Variants in RBFOX1 observed in about 807,000 individuals in gnomAD.
The protein encoded by RBFOX1 is RNA binding fox-1 homolog 1.
A neutral mutation model predicts 57.7 loss-of-function variants in RBFOX1; 8 were observed. The observed-to-expected ratio is 0.14, with a 90% CI of 0.08 to 0.25. The LOEUF is 0.25. RBFOX1 is among the 10% of genes least tolerant of loss of function. The pLI is 1.00. For synonymous variants in RBFOX1, 326 were observed against 222.4 expected, an observed-to-expected ratio of 1.47 and a Z score of -4.15; for missense variants, 611 against 548.5, an observed-to-expected ratio of 1.11 and a Z score of -1.14.
chr16:5,368,692 C>CA (rs1277543388), intron 1 of RBFOX1, among the ~76,000 whole-genome samples: 2 of 152,160 alleles, frequency 1.3e-5, no homozygotes, highest in African/African-American at 4.8e-5. Flanking sequence ...TCTGGCCTTT[C>CA]AGGGGGGCAG....
chr16:7,100,200 G>A (rs565564857), intron 4 of RBFOX1, among the ~76,000 whole-genome samples: 53 of 152,168 alleles, frequency 3.5e-4, no homozygotes, highest in African/African-American at 1.2e-3. Flanking sequence ...CGAAATTTGT[G>A]TGTTAAAGGA....
At chr16:7,009,673 T>C (rs2153653300) in intron 3 of RBFOX1, among the ~76,000 whole-genome samples, 1 of 152,274 alleles carries the variant, frequency 6.6e-6, no homozygotes, top group African/African-American at 2.4e-5. Flanking sequence ...AAGAATATCC[T>C]AGAATTATAG....
chr16:7,213,832 A>G (rs1165672905), intron 4 of RBFOX1, among the ~76,000 whole-genome samples: 1 of 152,170 alleles, frequency 6.6e-6, no homozygotes, highest in African/African-American at 2.4e-5. Flanking sequence ...TCTCTGATGG[A>G]TGAGGGTTGA....
intron 3 of RBFOX1, among the ~76,000 whole-genome samples, chr16:7,038,816 CT>C (rs1568482163): frequency 1.3e-5 from 2 of 152,140 alleles, no homozygotes; most frequent in African/African-American, 4.8e-5. Flanking sequence ...ATAATGGGGT[CT>C]TTACCAAGAG....
At chr16:6,059,877 T>C (rs2095661156) in intron 1 of RBFOX1, among the ~76,000 whole-genome samples, 1 of 152,140 alleles carries the variant, frequency 6.6e-6, no homozygotes, top group African/African-American at 2.4e-5. Flanking sequence ...AGACCCATAA[T>C]GACTTGATGA....
chr16:7,608,019 T>C (rs2141291334), intron 10 of RBFOX1, among the ~76,000 whole-genome samples: 1 of 152,324 alleles, frequency 6.6e-6, no homozygotes, highest in South Asian at 2.1e-4. Context: ...CTCGATGTCC[T>C]CGGCTTGGCC....
intron 4 of RBFOX1, among the ~76,000 whole-genome samples, chr16:7,096,545 C>G (rs1055999171): frequency 6.6e-6 from 1 of 152,074 alleles, no homozygotes; most frequent in Admixed American, 6.6e-5. Context: ...GATTGAATTC[C>G]TTACCTACCC....
chr16:5,289,433 A>G, intron 1 of RBFOX1: 3 of 265,016 alleles, frequency 1.1e-5, no homozygotes, highest in South Asian at 1.8e-4. Flanking sequence ...GAAGTATCAA[A>G]TACACATTAG....
At chr16:6,612,414 T>C (rs1193544693) in intron 2 of RBFOX1, among the ~76,000 whole-genome samples, 1 of 152,226 alleles carries the variant, frequency 6.6e-6, no homozygotes, top group African/African-American at 2.4e-5. Flanking sequence ...TATGCATATG[T>C]GTGTATGTGC....
intron 4 of RBFOX1, among the ~76,000 whole-genome samples, chr16:5,939,689 G>A (rs896178322): frequency 1.3e-5 from 2 of 152,030 alleles, no homozygotes; most frequent in South Asian, 4.2e-4. Flanking sequence ...GGGAGGTGGT[G>A]GCTCCATTTT....
At position 7,528,560 on chromosome 16, in the gene RBFOX1, C is replaced by G. The variant is rs191786327; in HGVS notation, c.270+10171C>G. The stretch of plus-strand genomic sequence containing the variant: ...TGGCACCATCTTAGTTCACTGCAGC[C>G]TGAAACTCCTGGGGCTCCAGTGATC... On this transcript the variant is annotated intron_variant, in intron 5 of 15. Transcript: ENST00000550418. Among the ~76,000 whole-genome samples the G allele has an allele frequency of 1.1e-3, 172 of 152,250 alleles. 1 individual carries two copies. The highest frequency in any genetic ancestry group is 4.0e-3 in the African/African-American group (166 of 41,540).
chr16:6,761,705 C>G (rs558031259), intron 3 of RBFOX1, among the ~76,000 whole-genome samples: 1 of 151,636 alleles, frequency 6.6e-6, no homozygotes, highest in African/African-American at 2.4e-5. Context: ...CGAGGTTTCA[C>G]GAACTTGGCC....
At chr16:6,884,797 C>G (rs145714537) in intron 3 of RBFOX1, among the ~76,000 whole-genome samples, 3 of 152,206 alleles carry the variant, frequency 2.0e-5, no homozygotes, top group South Asian at 2.1e-4. Context: ...ACTTGGGAGG[C>G]TGAGGCAGGA....
chr16:6,114,840 T>C lies in RBFOX1; in HGVS notation c.-127+94848T>C, dbSNP rs141042093. Among the ~76,000 whole-genome samples the C allele has an allele frequency of 9.5e-4, 144 of 152,314 alleles. 1 individual carries two copies. Among genetic ancestry groups the C allele is most frequent in the Non-Finnish European group, 1.6e-3 (111 of 68,028 alleles). ...GATGGTGTTAGACAGCAGTCTTCTA[T>C]TGAATGATATGGCTCCTTGCAGAGG... On this transcript the variant is annotated intron_variant, in intron 1 of 15. Coordinates refer to ENST00000550418, the MANE Select transcript of RBFOX1 (RefSeq NM_018723.4).
chr16:6,459,811 C>A (rs776355003), intron 2 of RBFOX1, among the ~76,000 whole-genome samples: 1 of 151,294 alleles, frequency 6.6e-6, no homozygotes, highest in Non-Finnish European at 1.5e-5. Flanking sequence ...ACTGAGAAAC[C>A]CTGTCTCTAC....
chr16:5,365,019 A>T (rs2065671200), intron 1 of RBFOX1, among the ~76,000 whole-genome samples: 1 of 152,126 alleles, frequency 6.6e-6, no homozygotes, highest in Non-Finnish European at 1.5e-5. Flanking sequence ...CGAGACATGG[A>T]TTTGAATGCG....
At chr16:7,304,730 T>A (rs1248327930) in intron 4 of RBFOX1, among the ~76,000 whole-genome samples, 1 of 152,168 alleles carries the variant, frequency 6.6e-6, no homozygotes, top group Non-Finnish European at 1.5e-5. Context: ...ACCGGAAGTT[T>A]GAAATGGAAA....
At chr16:5,451,282 A>G (rs1047840881) in intron 1 of RBFOX1, among the ~76,000 whole-genome samples, 3 of 152,194 alleles carry the variant, frequency 2.0e-5, no homozygotes, top group African/African-American at 7.2e-5. Flanking sequence ...GGATCAGGAA[A>G]TGAGAGATAG....
chr16:7,032,646 C>A (rs1016364547), intron 3 of RBFOX1, among the ~76,000 whole-genome samples: 9 of 152,024 alleles, frequency 5.9e-5, no homozygotes, highest in African/African-American at 2.2e-4. Context: ...AAGCTAATTG[C>A]TTGATGGAAT....
Sources: gnomAD v4.1 joint callset for allele counts (sites outside exome capture counted in the v4.1 genomes callset) on GRCh38, gnomAD v4.1.1 for gene constraint, MANE v1.5 for transcripts, NCBI Gene and HGNC (gene_info 2026-07-23, HGNC 2026-07-21) for gene names.